OSBPL3: variants seen among roughly 807,000 people sequenced by gnomAD.
The protein encoded by OSBPL3 is oxysterol binding protein like 3.
A neutral mutation model predicts 120.1 loss-of-function variants in OSBPL3; 65 were observed. That is an observed-to-expected ratio of 0.54 (90% confidence interval 0.44 to 0.67). OSBPL3 has a LOEUF of 0.67. Ranked by LOEUF, OSBPL3 falls within the 30% of genes least tolerant of loss-of-function variation. The probability of loss-of-function intolerance (pLI) is 0.00; values close to 1 mark genes in which losing one functional copy is unlikely to be tolerated. For synonymous variants in OSBPL3, 416 were observed against 402.6 expected (o/e 1.03, Z -0.40); for missense variants, 1,004 against 1,082.1 (o/e 0.93, Z 1.01).
At chr7:24,978,964 G>C (rs1169891034) in intron 1 of OSBPL3, among the ~76,000 whole-genome samples, 1 of 152,236 alleles carries the variant, frequency 6.6e-6, no homozygotes, top group Non-Finnish European at 1.5e-5. Context: ...CCCTGCTTAA[G>C]AAGTATCTGG....
intron 13 of OSBPL3, 25 bp downstream of exon 13, chr7:24,842,254 A>T (rs1160617839): frequency 6.2e-7 from 1 of 1,607,250 alleles, no homozygotes; most frequent in Non-Finnish European, 8.5e-7. Flanking sequence ...TTTTTGAGGC[A>T]CCATACTGTA....
Position 24,819,497 on chromosome 7 carries a change from G to A in OSBPL3, c.1948+678C>T, listed in dbSNP as rs1462981349. On this transcript the variant is annotated intron_variant, in intron 17 of 22. Coordinates refer to ENST00000313367, the MANE Select transcript of OSBPL3 (RefSeq NM_015550.4). This position sits in a 1 kb window ranked among gnomAD's most constrained non-coding sequence, Gnocchi z 4.1. ...AGAAACTGAGTGGCTGGGGAAGGGG[G>A]TTACAGTATACTGTTTCGTACTTTT... 6.6e-6 allele frequency among the ~76,000 whole-genome samples: 1 copy of A among 152,126 alleles called. No homozygotes were observed. The highest frequency in any genetic ancestry group is 2.4e-5 in the African/African-American group (1 of 41,432).
rs553592308 is a variant in OSBPL3 at position 24,909,697 on chromosome 7, C to G, written c.-149-17076G>C. ...CAATCACCTCTGTCCTGGCCAGCTT[C>G]CTGTGCCAGAAACAGGAACCTATGG... On this transcript the variant is annotated intron_variant, in intron 1 of 22. Coordinates refer to ENST00000313367, the MANE Select transcript of OSBPL3 (RefSeq NM_015550.4). 1.7e-4 allele frequency among the ~76,000 whole-genome samples: 26 copies of G among 151,938 alleles called. 1 individual carries two copies. In the South Asian group the frequency reaches 5.2e-3, roughly 30 times the overall value.
At chr7:24,902,078 T>C (rs1007544516) in intron 1 of OSBPL3, among the ~76,000 whole-genome samples, 1 of 152,222 alleles carries the variant, frequency 6.6e-6, no homozygotes, top group African/African-American at 2.4e-5. Context: ...CAATTTTTCA[T>C]TTGCAAAATG....
chr7:24,796,605 G>T lies in OSBPL3; in HGVS notation c.*3578C>A, dbSNP rs1347951586. The T allele has an allele frequency of 1.3e-5, 2 of 152,100 alleles. No individual in the cohort carries two copies. The highest frequency in any genetic ancestry group is 2.9e-5 in the Non-Finnish European group (2 of 68,028). 9.4% of individuals were successfully genotyped at this position (152,100 alleles called of 1,614,324 possible). On this transcript the variant is annotated 3_prime_UTR_variant, in exon 23 of 23. Coordinates refer to ENST00000313367, the MANE Select transcript of OSBPL3 (RefSeq NM_015550.4). The surrounding 1 kb of genome is among the most constrained non-coding windows in gnomAD (Gnocchi z 5.2). ...GAGGGGGATAAGCAAATTAATAGGA[G>T]CTTTTTGGGGAGGCAGAGGTATGGA...
intron 20 of OSBPL3, among the ~76,000 whole-genome samples, chr7:24,807,642 C>G (rs1793231664): frequency 1.3e-5 from 2 of 152,174 alleles, no homozygotes; most frequent in Admixed American, 1.3e-4. Flanking sequence ...GTACCTAGAA[C>G]AGTGCTGAAC....
rs1390636237 is a variant in OSBPL3 at position 24,891,278 on chromosome 7, A to AG, written c.96+1098dup. On this transcript the variant is annotated intron_variant, in intron 2 of 22. Coordinates refer to ENST00000313367, the MANE Select transcript of OSBPL3 (RefSeq NM_015550.4). The surrounding 1 kb of genome is among the most constrained non-coding windows in gnomAD (Gnocchi z 4.1). ...CTGACAAAATTCTCCTTAACCCCTC[A>AG]GGGGAGATCCTGGAGGGCTTCCCAA... Among the ~76,000 whole-genome samples, 2 of 152,044 alleles carry AG rather than the reference A, an allele frequency of 1.3e-5. No individual in the cohort carries two copies. Among genetic ancestry groups the AG allele is most frequent in the African/African-American group, 4.8e-5 (2 of 41,456 alleles).
chr7:24,818,414 T>C lies in OSBPL3; in HGVS notation c.1949-1726A>G, dbSNP rs1369191498. On this transcript the variant is annotated intron_variant, in intron 17 of 22. Transcript: ENST00000313367. This position sits in a 1 kb window ranked among gnomAD's most constrained non-coding sequence, Gnocchi z 4.0. Reference sequence around the variant, plus strand: ...ACAATGTACTACATGGTTTATGATATACAGAAGACGTATGAAAAAATAGTA... The same window carrying C: ...ACAATGTACTACATGGTTTATGATACACAGAAGACGTATGAAAAAATAGTA... Among the ~76,000 whole-genome samples, 1 of 152,138 alleles carries C rather than the reference T, an allele frequency of 6.6e-6. No homozygotes were observed. Among genetic ancestry groups the C allele is most frequent in the African/African-American group, 2.4e-5 (1 of 41,400 alleles).
chr7:24,838,134 G>A (rs1246289654), intron 14 of OSBPL3, among the ~76,000 whole-genome samples: 1 of 152,180 alleles, frequency 6.6e-6, no homozygotes, highest in East Asian at 1.9e-4. Flanking sequence ...AGAACTAGGG[G>A]ACACACATTT....
rs1211708298 is a variant in OSBPL3 at position 24,883,279 on chromosome 7, A to G, written c.96+9098T>C. 2.0e-5 allele frequency among the ~76,000 whole-genome samples: 3 copies of G among 152,232 alleles called. No homozygotes were observed. The East Asian group carries it at 5.8e-4, about 29-fold the overall frequency. ...GGGCCAGGGTGTAGGTTTTAGAGGG[A>G]TATCAGATGACACTAGGGAAGTCTT... On this transcript the variant is annotated intron_variant, in intron 2 of 22. Transcript: ENST00000313367. This position sits in a 1 kb window ranked among gnomAD's most constrained non-coding sequence, Gnocchi z 5.4.
At chr7:24,850,176 T>C (rs567893112) in intron 11 of OSBPL3, among the ~76,000 whole-genome samples, 1 of 152,312 alleles carries the variant, frequency 6.6e-6, no homozygotes, top group South Asian at 2.1e-4. Context: ...AATCTGAGAC[T>C]ATGCCCCCAG....
At chr7:24,970,371 G>A (rs983371358) in intron 1 of OSBPL3, among the ~76,000 whole-genome samples, 3 of 152,088 alleles carry the variant, frequency 2.0e-5, no homozygotes, top group Non-Finnish European at 4.4e-5. Context: ...CTCTCAAAGT[G>A]CTGGGATTAT....
rs1796889722 is a variant in OSBPL3, at chr7:24,835,526, A to C, written c.1496-790T>G. Among the ~76,000 whole-genome samples the C allele has an allele frequency of 6.6e-6, 1 of 152,160 alleles. No individual in the cohort carries two copies. Among genetic ancestry groups the C allele is most frequent in the South Asian group, 2.1e-4 (1 of 4,832 alleles). ...TTGGCAATTTCTCAAAGAACTTAAA[A>C]CAGAACTGCCACTCAACTCAGCAAT... On this transcript the variant is annotated intron_variant, in intron 14 of 22. Coordinates refer to ENST00000313367, the MANE Select transcript of OSBPL3 (RefSeq NM_015550.4). The surrounding 1 kb of genome is among the most constrained non-coding windows in gnomAD (Gnocchi z 4.8).
At chr7:24,981,523 A>G (rs1340686336), upstream of OSBPL3, 1 of 152,498 alleles carries the variant, frequency 6.6e-6, no homozygotes, top group Non-Finnish European at 1.5e-5. This position sits in a 1 kb window ranked among gnomAD's most constrained non-coding sequence, Gnocchi z 7.3. Context: ...TCAGTCTCCA[A>G]ACTGACCCCA....
intron 2 of OSBPL3, among the ~76,000 whole-genome samples, chr7:24,880,723 G>C (rs1197989751): frequency 1.3e-5 from 2 of 152,166 alleles, no homozygotes; most frequent in Non-Finnish European, 2.9e-5. Context: ...AAAAATGAGT[G>C]AGGGGCTTTT....
chr7:24,902,701 AAATAATAAT>A (rs70942894), intron 1 of OSBPL3, among the ~76,000 whole-genome samples: 11,503 of 143,996 alleles, frequency 0.08, 495 homozygotes, highest in South Asian at 0.12. Context: ...AAGAGAAAAT[AAATAATAAT>A]AATAATAATA....
At chr7:24,823,028 T>C (rs1183213042) in intron 16 of OSBPL3, among the ~76,000 whole-genome samples, 1 of 152,210 alleles carries the variant, frequency 6.6e-6, no homozygotes, top group East Asian at 1.9e-4. Flanking sequence ...TTTACATTGA[T>C]AGCTTATTAT....
In OSBPL3 at chr7:24,861,656, C is replaced by T. The variant is rs1185059839; in HGVS notation, c.984G>A (p.Glu328=). 3 of 1,607,970 alleles carry T rather than the reference C, an allele frequency of 1.9e-6. No individual in the cohort carries two copies. The highest frequency in any genetic ancestry group is 1.7e-5 in the Admixed American group (1 of 58,834). Residue 328 remains glutamate (E), a synonymous_variant, in exon 10 of 23, where the codon GAG becomes GAA. Coordinates refer to ENST00000313367, the MANE Select transcript of OSBPL3 (RefSeq NM_015550.4). ...NYSDGSETSS[E]FSKMQEDLCH... is the part of the protein sequence containing the mutation. Reference sequence around the variant, plus strand: ...ACAGATCTTCTTGCATTTTAGAAAACTCTGATGAGGTTTCAGAGCCATCAG... The same window carrying T: ...ACAGATCTTCTTGCATTTTAGAAAATTCTGATGAGGTTTCAGAGCCATCAG...
In OSBPL3 at chr7:24,900,825, T is replaced by G. The variant is rs137857973; in HGVS notation, c.-149-8204A>C. 6.3e-3 allele frequency among the ~76,000 whole-genome samples: 954 copies of G among 151,968 alleles called. 9 individuals are homozygous for G. The highest frequency in any genetic ancestry group is 0.022 in the African/African-American group (911 of 41,436). On this transcript the variant is annotated intron_variant, in intron 1 of 22. Transcript: ENST00000313367. The surrounding 1 kb of genome is among the most constrained non-coding windows in gnomAD (Gnocchi z 4.5). ...CTTTACAAAAAATATTAGGTTGGTGTGAAAGTAAGTGCGGATTTTGCCATT... is the reference window on the plus strand; with the variant it reads ...CTTTACAAAAAATATTAGGTTGGTGGGAAAGTAAGTGCGGATTTTGCCATT...
Sources: gnomAD v4.1 joint callset for allele counts (sites outside exome capture counted in the v4.1 genomes callset) on GRCh38, gnomAD v4.1.1 for gene constraint, Gnocchi (gnomAD v3.1) non-coding constraint, MANE v1.5 for transcripts, NCBI Gene and HGNC (gene_info 2026-07-23, HGNC 2026-07-21) for gene names.